SLC4A10: variants seen among roughly 807,000 people sequenced by gnomAD.
SLC4A10 encodes solute carrier family 4 member 10, also known as sodium-driven chloride bicarbonate exchanger.
In SLC4A10, 42 loss-of-function variants were observed where a neutral mutation model predicts 137.7. That is an observed-to-expected ratio of 0.30 (90% CI 0.24 to 0.39). The LOEUF is 0.39. Ranked by LOEUF, SLC4A10 falls within the 10% of genes least tolerant of loss-of-function variation. SLC4A10 has a pLI of 1.00. For missense variants in SLC4A10, 925 were observed against 1,355.0 expected (o/e 0.68, Z 4.98); for synonymous variants, 474 against 464.1 (o/e 1.02, Z -0.27).
intron 26 of SLC4A10, among the ~76,000 whole-genome samples, chr2:161,980,129 T>C (rs965128657): frequency 6.6e-6 from 1 of 152,198 alleles, no homozygotes; most frequent in African/African-American, 2.4e-5. Flanking sequence ...GCTACGTTTT[T>C]TAAACTGATG....
intron 18 of SLC4A10, 145 bp downstream of exon 18, chr2:161,949,406 C>A: frequency 4.7e-6 from 2 of 429,676 alleles, no homozygotes; most frequent in Non-Finnish European, 8.4e-6. Flanking sequence ...CACAGCATGG[C>A]TAAAATTTAG....
intron 1 of SLC4A10, among the ~76,000 whole-genome samples, chr2:161,724,042 C>T (rs1464445804): frequency 6.6e-6 from 1 of 152,210 alleles, no homozygotes; most frequent in Non-Finnish European, 1.5e-5. Flanking sequence ...TCATCCTCAA[C>T]TTCCTTATCG....
intron 1 of SLC4A10, among the ~76,000 whole-genome samples, chr2:161,769,688 C>T (rs2051327439): frequency 6.6e-6 from 1 of 151,798 alleles, no homozygotes; most frequent in South Asian, 2.1e-4. Flanking sequence ...ATTATTGATT[C>T]TTCTTTCATT....
At chr2:161,943,003 T>C (rs892390218) in intron 16 of SLC4A10, 106 bp downstream of exon 16, 1 of 730,618 alleles carries the variant, frequency 1.4e-6, no homozygotes, top group African/African-American at 1.8e-5. Context: ...AATATAAAAC[T>C]AATAGTTGTG....
At position 161,894,652 on chromosome 2, in the gene SLC4A10, T is replaced by A. The variant is rs116473207; in HGVS notation, c.1195-27T>A. 8,636 of 1,175,478 alleles carry A rather than the reference T, an allele frequency of 7.3e-3. 134 individuals carry two copies. Among genetic ancestry groups the A allele is most frequent in the African/African-American group, 0.058 (3,648 of 62,426 alleles). 72.8% of individuals were successfully genotyped at this position (1,175,478 alleles called of 1,614,324 possible). On this transcript the variant is annotated intron_variant, in intron 10 of 26. Transcript: ENST00000446997. The stretch of plus-strand genomic sequence containing the variant: ...ATATTTTATAATTATTTTTAAGCTA[T>A]AAATAATATTTCTATTTCTTCTAAA...
intron 2 of SLC4A10, among the ~76,000 whole-genome samples, chr2:161,774,085 T>C (rs2052015534): frequency 6.6e-6 from 1 of 151,876 alleles, no homozygotes; most frequent in Non-Finnish European, 1.5e-5. Context: ...AGCCTACTTC[T>C]GTTTCCTGCA....
chr2:161,818,033 T>C (rs1411154236), intron 3 of SLC4A10, among the ~76,000 whole-genome samples: 2 of 152,156 alleles, frequency 1.3e-5, no homozygotes, highest in African/African-American at 4.8e-5. Context: ...ATTGGTAGCT[T>C]GATGGGGATG....
intron 1 of SLC4A10, among the ~76,000 whole-genome samples, chr2:161,666,702 G>A (rs1416137397): frequency 6.6e-6 from 1 of 151,622 alleles, no homozygotes. Context: ...AATATGGAAG[G>A]AGTTCTTAAG....
chr2:161,733,601 T>C (rs2047030271), intron 1 of SLC4A10, among the ~76,000 whole-genome samples: 1 of 152,242 alleles, frequency 6.6e-6, no homozygotes, highest in South Asian at 2.1e-4. Context: ...CCCAAGTCCC[T>C]ACTGGGGCAC....
Position 161,983,275 on chromosome 2 carries a change from T to A in SLC4A10, c.*123T>A. 2 of 1,519,754 alleles carry A rather than the reference T, an allele frequency of 1.3e-6. No homozygotes were observed. Among genetic ancestry groups the A allele is most frequent in the South Asian group, 2.4e-5 (2 of 83,068 alleles). 94.1% of individuals were successfully genotyped at this position (1,519,754 alleles called of 1,614,324 possible). On this transcript the variant is annotated 3_prime_UTR_variant, in exon 27 of 27. Transcript: ENST00000446997. Reference sequence around the variant, plus strand: ...ATCTTCAATTTATTTTTTACATATATATGAGAAGAGTGTCACAATTATTAA... The same window carrying A: ...ATCTTCAATTTATTTTTTACATATAAATGAGAAGAGTGTCACAATTATTAA...
intron 3 of SLC4A10, among the ~76,000 whole-genome samples, chr2:161,828,286 T>G (rs2058161699): frequency 6.6e-6 from 1 of 152,184 alleles, no homozygotes; most frequent in Non-Finnish European, 1.5e-5. Context: ...CATGACTCAC[T>G]TGTTCCTTTA....
chr2:161,698,619 G>C (rs1265470294), intron 1 of SLC4A10, among the ~76,000 whole-genome samples: 2 of 152,120 alleles, frequency 1.3e-5, no homozygotes, highest in Non-Finnish European at 2.9e-5. Context: ...TTACTGATTT[G>C]TGTATATTGA....
chr2:161,795,434 A>G (rs2054658749), intron 2 of SLC4A10, among the ~76,000 whole-genome samples: 1 of 152,152 alleles, frequency 6.6e-6, no homozygotes, highest in African/African-American at 2.4e-5. Flanking sequence ...TATTTAATGT[A>G]TACAACTCAA....
chr2:161,783,996 C>G (rs994148471), intron 2 of SLC4A10, among the ~76,000 whole-genome samples: 22 of 151,544 alleles, frequency 1.5e-4, no homozygotes, highest in African/African-American at 4.8e-4. Context: ...ATGCTGTTAT[C>G]AAGAGACTCC....
At chr2:161,846,569 C>G (rs1483086930) in intron 4 of SLC4A10, among the ~76,000 whole-genome samples, 2 of 152,146 alleles carry the variant, frequency 1.3e-5, no homozygotes, top group African/African-American at 2.4e-5. Context: ...TGCAAACAAC[C>G]TGAATGTCCC....
intron 4 of SLC4A10, among the ~76,000 whole-genome samples, chr2:161,853,932 T>C (rs1308153503): frequency 2.0e-5 from 3 of 152,214 alleles, no homozygotes; most frequent in Non-Finnish European, 4.4e-5. Flanking sequence ...TAGTTACTTT[T>C]GGCTAATCCA....
At chr2:161,759,765 C>G (rs2050046819) in intron 1 of SLC4A10, among the ~76,000 whole-genome samples, 1 of 151,944 alleles carries the variant, frequency 6.6e-6, no homozygotes, top group Non-Finnish European at 1.5e-5. Flanking sequence ...ACCCCTTACT[C>G]CTTACCAGAT....
intron 1 of SLC4A10, among the ~76,000 whole-genome samples, chr2:161,757,756 T>C (rs567719013): frequency 6.6e-6 from 1 of 152,182 alleles, no homozygotes; most frequent in Non-Finnish European, 1.5e-5. Context: ...TATTTGTAGC[T>C]ACAATGCTAA....
chr2:161,747,577 T>C (rs573201798), intron 1 of SLC4A10, among the ~76,000 whole-genome samples: 1 of 152,298 alleles, frequency 6.6e-6, no homozygotes, highest in East Asian at 1.9e-4. Context: ...GTTGTTCAAC[T>C]TGGTGTTCCT....
Sources: allele counts gnomAD v4.1 joint callset (sites outside exome capture counted in the v4.1 genomes callset), GRCh38; gene constraint gnomAD v4.1.1; transcripts MANE v1.5; gene names NCBI Gene and HGNC (gene_info 2026-07-23, HGNC 2026-07-21).